Variants in EPS8L2 observed in about 807,000 individuals in gnomAD.
EPS8L2 encodes the protein EPS8 signaling adaptor L2, also known as epidermal growth factor receptor kinase substrate 8-like protein 2.
In EPS8L2, 81 loss-of-function variants were observed where a neutral mutation model predicts 99.4. The observed-to-expected ratio is 0.82, with a 90% CI of 0.68 to 0.98. The LOEUF is 0.98. Ranked by LOEUF, EPS8L2 falls within the 50% of genes least tolerant of loss-of-function variation. The probability of loss-of-function intolerance (pLI) is 0.00; values close to 1 mark genes in which losing one functional copy is unlikely to be tolerated. For missense variants in EPS8L2, 1,155 were observed against 968.8 expected, an observed-to-expected ratio of 1.19 and a Z score of -2.55; for synonymous variants, 509 against 407.3, an observed-to-expected ratio of 1.25 and a Z score of -3.01.
chr11:727,097 G>C lies in EPS8L2; in HGVS notation c.*116G>C, dbSNP rs1862352376. 2.6e-6 allele frequency: 2 copies of C among 757,882 alleles called. No individual in the cohort carries two copies. Among genetic ancestry groups the C allele is most frequent in the South Asian group, 3.5e-5 (2 of 57,316 alleles). The allele number at this position is 757,882 out of a possible 1,614,324, so 46.9% of individuals were successfully genotyped here. A position where few individuals can be genotyped will look rare whatever the true frequency, so the allele number is the denominator to read the frequency against. ...AGGACACGGAGGGGGTGTGGTGCTG[G>C]CTAGAGGTCCCTGCCCCTGTCTGGA... is the stretch of plus-strand genomic sequence containing the variant. On this transcript the variant is annotated 3_prime_UTR_variant, in exon 21 of 21. Coordinates refer to ENST00000318562, the MANE Select transcript of EPS8L2 (RefSeq NM_022772.4).
At chr11:720,983 C>CAGGGGAGGGGAGGAGCCCGGG in intron 7 of EPS8L2, 74 bp downstream of exon 7, 2 of 1,367,614 alleles carry the variant, frequency 1.5e-6, no homozygotes, top group South Asian at 1.3e-5. Context: ...GAGGAGCCGG[C>CAGGGGAGGGGAGGAGCCCGGG]AGGGGAGGGG....
chr11:715,833 G>C (rs1434684797), intron 4 of EPS8L2, among the ~76,000 whole-genome samples: 4 of 151,540 alleles, frequency 2.6e-5, no homozygotes, highest in African/African-American at 4.8e-5. Flanking sequence ...CGTTAGCCAG[G>C]ATGGTCTCGA....
chr11:718,921 G>T (rs1251100348), intron 4 of EPS8L2, among the ~76,000 whole-genome samples: 3 of 150,166 alleles, frequency 2.0e-5, no homozygotes, highest in Non-Finnish European at 4.4e-5. Flanking sequence ...ACCCGCCTCG[G>T]CCTCCCAAAG....
intron 1 of EPS8L2, among the ~76,000 whole-genome samples, chr11:707,800 G>A (rs752370804): frequency 1.3e-5 from 2 of 152,096 alleles, no homozygotes; most frequent in African/African-American, 4.8e-5. Flanking sequence ...CCATGTTTGC[G>A]TGCCCCCAGG....
At chr11:719,097 C>G (rs1018586582) in intron 4 of EPS8L2, among the ~76,000 whole-genome samples, 3 of 151,312 alleles carry the variant, frequency 2.0e-5, no homozygotes, top group Non-Finnish European at 4.4e-5. Flanking sequence ...TCCCGAGTAG[C>G]TGGGATTACA....
chr11:712,465 C>T (rs963896508), intron 4 of EPS8L2, among the ~76,000 whole-genome samples: 2 of 150,506 alleles, frequency 1.3e-5, no homozygotes, highest in African/African-American at 2.4e-5. Context: ...AGCCTGGGTG[C>T]GAGCTGGGCT....
chr11:722,795 C>T lies in EPS8L2; in HGVS notation c.1331C>T (p.Pro444Leu), dbSNP rs952488248. The change falls in exon 14 of 21, where the codon CCC becomes CTC. Residue 444 changes from proline (P) to leucine (L), a missense_variant. Physicochemically the swap from Pro to Leu is moderately conservative, Grantham distance 98. Transcript: ENST00000318562. ...GAGGTGGAGGGGCTGGCGTCTGCCC[C>T]CATCGAGGAGGTGAGAGCACCAGCA... The part of the protein sequence containing the change: ...PWEVEGLASA[P>L]IEEVSPVSRQ... 20 of 1,579,182 alleles carry T rather than the reference C, an allele frequency of 1.3e-5. No homozygotes were observed. The highest frequency in any genetic ancestry group is 1.6e-5 in the Non-Finnish European group (19 of 1,166,238).
In EPS8L2 at chr11:709,456, G is replaced by GGCCGC; in HGVS notation, c.44+5_44+6insGCCGC. 1.9e-6 allele frequency: 3 copies of GGCCGC among 1,588,538 alleles called. No homozygotes were observed. Among genetic ancestry groups the GGCCGC allele is most frequent in the Non-Finnish European group, 2.6e-6 (3 of 1,164,904 alleles). ...CTGCTGCCCGGGTGCCACCAAGTGAGCCCTCCCACCCATCCCGAATACCCC... is the reference window on the plus strand; with the variant it reads ...CTGCTGCCCGGGTGCCACCAAGTGAGGCCGCCCCTCCCACCCATCCCGAATACCCC... On this transcript the variant is annotated splice_donor_region_variant and intron_variant, in intron 2 of 20. Coordinates refer to ENST00000318562, the MANE Select transcript of EPS8L2 (RefSeq NM_022772.4).
At position 726,483 on chromosome 11, in the gene EPS8L2, C is replaced by T. The variant is rs1485830085; in HGVS notation, c.1933C>T (p.Arg645Trp). The T allele has an allele frequency of 6.5e-7, 1 of 1,537,164 alleles. No homozygotes were observed. Among genetic ancestry groups the T allele is most frequent in the South Asian group, 1.2e-5 (1 of 83,562 alleles). ...AWLEAKAFSPRIVENLGILTG... is the reference protein window; with the variant it reads ...AWLEAKAFSPWIVENLGILTG... The stretch of plus-strand genomic sequence containing the variant: ...GCTGGAAGCCAAGGCCTTCAGCCCG[C>T]GGTGAGCGGGGGCGGGGGATGAGCT... The change falls in exon 19 of 21, where the codon CGG becomes TGG. Residue 645 changes from arginine (R) to tryptophan (W), a missense_variant and splice_region_variant. By Grantham distance (101) the Arg-to-Trp change is moderately radical. Coordinates refer to ENST00000318562, the MANE Select transcript of EPS8L2 (RefSeq NM_022772.4).
chr11:715,098 CAGGT>C (rs1861986593), intron 4 of EPS8L2, among the ~76,000 whole-genome samples: 1 of 152,052 alleles, frequency 6.6e-6, no homozygotes, highest in Admixed American at 6.6e-5. Flanking sequence ...AAAAATTAGC[CAGGT>C]GGGATGGCGG....
intron 9 of EPS8L2, 86 bp downstream of exon 9, chr11:721,438 C>G (rs1862171571): frequency 1.3e-6 from 2 of 1,493,098 alleles, no homozygotes; most frequent in African/African-American, 1.4e-5. Context: ...CGGCCAGTCC[C>G]CAGCCTGTGG....
intron 15 of EPS8L2, among the ~76,000 whole-genome samples, chr11:723,880 A>G (rs533349619): frequency 1.3e-5 from 2 of 151,834 alleles, no homozygotes; most frequent in East Asian, 1.9e-4. Flanking sequence ...TCCAATCTGC[A>G]TGGGAAGCCC....
chr11:718,320 G>A (rs992689530), intron 4 of EPS8L2, among the ~76,000 whole-genome samples: 4 of 152,146 alleles, frequency 2.6e-5, no homozygotes, highest in East Asian at 1.9e-4. Flanking sequence ...GGGACAGAGC[G>A]AGACTGTCTC....
rs755325006 is a variant in EPS8L2, at chr11:721,329, G to A, written c.745G>A (p.Ala249Thr). The A allele has an allele frequency of 3.4e-5, 53 of 1,539,934 alleles. No individual in the cohort carries two copies. The South Asian group carries it at 5.1e-4, about 15-fold the overall frequency. ...ESQEEPRAVL[A>T]QKIEKETQIL... The stretch of plus-strand genomic sequence containing the variant: ...GCAGGAGGAGCCGCGGGCCGTGCTG[G>A]CTCAGAAGATAGAGAAGGAGACGGT... The change falls in exon 9 of 21, where the codon GCT becomes ACT. Residue 249 changes from alanine to threonine, a missense_variant. Physicochemically the swap from Ala to Thr is moderately conservative, Grantham distance 58. Transcript: ENST00000318562.
At chr11:726,231 T>G (rs1037738677) in intron 18 of EPS8L2, 61 bp downstream of exon 18, 214 of 1,540,256 alleles carry the variant, frequency 1.4e-4, no homozygotes, top group East Asian at 9.1e-4. Flanking sequence ...GGAGGAAGTG[T>G]GGGGGGGGTC....
At chr11:723,152 G>C in intron 14 of EPS8L2, 89 bp from the exon 15 acceptor site, 1 of 695,190 alleles carries the variant, frequency 1.4e-6, no homozygotes, top group South Asian at 1.7e-5. Context: ...TCAGTCACAG[G>C]ACATTAGCCC....
chr11:722,895 C>G, intron 14 of EPS8L2, 90 bp downstream of exon 14: 2 of 827,484 alleles, frequency 2.4e-6, no homozygotes, highest in South Asian at 3.5e-5. Flanking sequence ...CCACCCCTCC[C>G]CAGAGCTCCC....
chr11:714,504 T>A (rs1211341142), intron 4 of EPS8L2, among the ~76,000 whole-genome samples: 1 of 151,980 alleles, frequency 6.6e-6, no homozygotes, highest in Non-Finnish European at 1.5e-5. Flanking sequence ...GTGCTGGGAT[T>A]ACAGGCGTGA....
intron 16 of EPS8L2, 120 bp from the exon 17 acceptor site, chr11:725,608 G>C (rs1213428104): frequency 9.3e-6 from 9 of 964,846 alleles, no homozygotes; most frequent in African/African-American, 1.7e-5. Flanking sequence ...GGAGAGAATG[G>C]AGCGAAGCGG....
Sources: gnomAD v4.1 joint callset for allele counts (sites outside exome capture counted in the v4.1 genomes callset) on GRCh38, gnomAD v4.1.1 for gene constraint, MANE v1.5 for transcripts, NCBI Gene and HGNC (gene_info 2026-07-23, HGNC 2026-07-21) for gene names.